The following RNFT2 variants were observed in gnomAD, a reference collection of about 807,000 sequenced individuals.
RNFT2 encodes E3 ubiquitin-protein ligase RNFT2.
A neutral mutation model predicts 53.0 loss-of-function variants in RNFT2; 36 were observed. The ratio of observed to expected loss-of-function variants is 0.68; its 90% CI spans 0.52 to 0.90. RNFT2 has a LOEUF of 0.90. Among genes scored for constraint, RNFT2 ranks in the 40% least tolerant of loss-of-function variants. The probability of loss-of-function intolerance (pLI) is 0.00; values close to 1 mark genes in which losing one functional copy is unlikely to be tolerated. For synonymous variants in RNFT2, 260 were observed against 253.2 expected, an observed-to-expected ratio of 1.03 and a Z score of -0.26; for missense variants, 514 against 585.6, an observed-to-expected ratio of 0.88 and a Z score of 1.26.
chr12:116,841,794 AAT>A (rs1359148327), intron 10 of RNFT2, among the ~76,000 whole-genome samples: 2 of 94,666 alleles, frequency 2.1e-5, no homozygotes, highest in African/African-American at 1.0e-4. Flanking sequence ...TATATATATA[AAT>A]ATATATATAA....
chr12:116,844,081 A>G (rs1047217352), intron 10 of RNFT2, among the ~76,000 whole-genome samples: 6 of 152,218 alleles, frequency 3.9e-5, no homozygotes, highest in East Asian at 1.9e-4. Context: ...AACCATTTAT[A>G]TAATAATACT....
At chr12:116,746,164 G>A (rs1449855645) in intron 3 of RNFT2, among the ~76,000 whole-genome samples, 1 of 152,188 alleles carries the variant, frequency 6.6e-6, no homozygotes, top group African/African-American at 2.4e-5. Flanking sequence ...TTGAGCCCGG[G>A]AGGCAGAGGT....
chr12:116,740,535 A>G lies in RNFT2; in HGVS notation c.24+14A>G. 1 of 1,565,010 alleles carries G rather than the reference A, an allele frequency of 6.4e-7. No homozygotes were observed. The highest frequency in any genetic ancestry group is 8.7e-7 in the Non-Finnish European group (1 of 1,153,468). On this transcript the variant is annotated intron_variant, in intron 2 of 10. Coordinates refer to ENST00000257575, the MANE Select transcript of RNFT2 (RefSeq NM_001382266.1). ...ACAGTGAATCAGGTGACACGTCTCC[A>G]AGAGAATTTGCATCTTTATTACTAC...
At chr12:116,793,408 G>A (rs1017475819) in intron 7 of RNFT2, among the ~76,000 whole-genome samples, 6 of 151,816 alleles carry the variant, frequency 4.0e-5, no homozygotes, top group Non-Finnish European at 5.9e-5. Context: ...GGCTGGTCTC[G>A]AACTCCTGGG....
chr12:116,754,675 C>T (rs1187508356), intron 5 of RNFT2, among the ~76,000 whole-genome samples: 1 of 152,148 alleles, frequency 6.6e-6, no homozygotes, highest in Non-Finnish European at 1.5e-5. Context: ...TTGATTATGG[C>T]CATTCTTGCA....
At chr12:116,755,963 T>C in intron 5 of RNFT2, 1 of 792,142 alleles carries the variant, frequency 1.3e-6, no homozygotes, top group African/African-American at 1.7e-5. Flanking sequence ...TTTTGGTGAC[T>C]ATGGCCTTAT....
intron 10 of RNFT2, among the ~76,000 whole-genome samples, chr12:116,847,187 T>C (rs1256080717): frequency 6.6e-6 from 1 of 151,980 alleles, no homozygotes; most frequent in African/African-American, 2.4e-5. Flanking sequence ...GCATTACAGG[T>C]GTAAGCCACT....
chr12:116,748,595 G>A (rs1211388505), intron 3 of RNFT2: 1 of 425,118 alleles, frequency 2.4e-6, no homozygotes, highest in African/African-American at 2.1e-5. Flanking sequence ...GGTGGAGCTG[G>A]AGTTTGAATG....
chr12:116,796,963 C>T (rs754800002), intron 7 of RNFT2, among the ~76,000 whole-genome samples: 5 of 152,178 alleles, frequency 3.3e-5, no homozygotes, highest in Admixed American at 2.6e-4. Flanking sequence ...TTTTAGTTGG[C>T]ACCATTGGAG....
At position 116,798,392 on chromosome 12, in the gene RNFT2, C is replaced by T. The variant is rs189633786; in HGVS notation, c.882+19044C>T. On this transcript the variant is annotated intron_variant, in intron 7 of 10. Transcript: ENST00000257575. ...GGATAAATACATAGAGAAAACACTG[C>T]ACAGTGGTTAAATGCATGGACCCTG... Among the ~76,000 whole-genome samples the T allele has an allele frequency of 7.4e-4, 113 of 152,266 alleles. 1 individual carries two copies. Among genetic ancestry groups the T allele is most frequent in the African/African-American group, 2.6e-3 (106 of 41,558 alleles).
chr12:116,750,179 G>C lies in RNFT2; in HGVS notation c.422G>C (p.Gly141Ala). ...GACCACCGGGGGCACTCGGAGGAGG[G>C]AGGCGACGAGCAGCCTGGGACGCCC... ...GGDHRGHSEE[G>A]GDEQPGTPAP... The change falls in exon 4 of 11, where the codon GGA becomes GCA. Residue 141 changes from glycine to alanine, a missense_variant. Physicochemically the swap from Gly to Ala is moderately conservative, Grantham distance 60. Coordinates refer to ENST00000257575, the MANE Select transcript of RNFT2 (RefSeq NM_001382266.1). 1.3e-6 allele frequency: 2 copies of C among 1,597,372 alleles called. No individual in the cohort carries two copies. Among genetic ancestry groups the C allele is most frequent in the South Asian group, 2.2e-5 (2 of 89,468 alleles).
chr12:116,783,825 C>T lies in RNFT2; in HGVS notation c.882+4477C>T, dbSNP rs140601788. On this transcript the variant is annotated intron_variant, in intron 7 of 10. Coordinates refer to ENST00000257575, the MANE Select transcript of RNFT2 (RefSeq NM_001382266.1). The stretch of plus-strand genomic sequence containing the variant: ...ACACTTGAGAACAGATTGTCAACAA[C>T]GGATCATTTTTCTGCCTGTTCTAGT... Among the ~76,000 whole-genome samples the T allele has an allele frequency of 4.6e-5, 7 of 152,346 alleles. No homozygotes were observed. The East Asian group carries it at 7.7e-4, about 17-fold the overall frequency.
Position 116,851,386 on chromosome 12 carries a change from C to T in RNFT2, c.*1938C>T, listed in dbSNP as rs908996762. Reference sequence around the variant, plus strand: ...CAGCAGAGCCCGCACTCTTAACCTCCGCACTGCTCTGCCCCTCAGACATTC... The same window carrying T: ...CAGCAGAGCCCGCACTCTTAACCTCTGCACTGCTCTGCCCCTCAGACATTC... On this transcript the variant is annotated 3_prime_UTR_variant, in exon 11 of 11. Coordinates refer to ENST00000257575, the MANE Select transcript of RNFT2 (RefSeq NM_001382266.1). 18 of 287,150 alleles carry T rather than the reference C, an allele frequency of 6.3e-5. No individual in the cohort carries two copies. Among genetic ancestry groups the T allele is most frequent in the African/African-American group, 2.4e-4 (11 of 46,242 alleles). 17.8% of individuals were successfully genotyped at this position (287,150 alleles called of 1,614,324 possible). A position where few individuals can be genotyped will look rare whatever the true frequency, so the allele number is the denominator to read the frequency against.
chr12:116,750,416 C>A, intron 4 of RNFT2, 109 bp downstream of exon 4: 2 of 1,010,016 alleles, frequency 2.0e-6, no homozygotes, highest in Non-Finnish European at 2.9e-6. Flanking sequence ...GCAGCAGAGA[C>A]CAACATGGGC....
chr12:116,767,004 A>T (rs1872945117), intron 6 of RNFT2, 90 bp downstream of exon 6: 1 of 831,142 alleles, frequency 1.2e-6, no homozygotes, highest in East Asian at 2.7e-5. Context: ...AATGAGGCAC[A>T]AGCTCTATGT....
At chr12:116,774,159 T>TA (rs1873319708) in intron 6 of RNFT2, among the ~76,000 whole-genome samples, 1 of 152,190 alleles carries the variant, frequency 6.6e-6, no homozygotes, top group Non-Finnish European at 1.5e-5. Flanking sequence ...AATGTGGAGT[T>TA]ACTGCTAATG....
At chr12:116,820,606 G>A (rs1875963403) in intron 7 of RNFT2, among the ~76,000 whole-genome samples, 1 of 152,050 alleles carries the variant, frequency 6.6e-6, no homozygotes, top group Non-Finnish European at 1.5e-5. Context: ...CCCATAGCTT[G>A]TATCTTTTCT....
chr12:116,770,262 A>G (rs1486112686), intron 6 of RNFT2, among the ~76,000 whole-genome samples: 1 of 152,170 alleles, frequency 6.6e-6, no homozygotes, highest in East Asian at 1.9e-4. Context: ...GTTTAGATAT[A>G]CAGATACCAT....
chr12:116,755,512 C>T, intron 5 of RNFT2: 2 of 878,686 alleles, frequency 2.3e-6, no homozygotes, highest in Non-Finnish European at 3.9e-6. Context: ...AGGTACCTTT[C>T]TCTTCCGCTT....
Sources: allele counts gnomAD v4.1 joint callset (sites outside exome capture counted in the v4.1 genomes callset), GRCh38; gene constraint gnomAD v4.1.1; transcripts MANE v1.5; gene names NCBI Gene and HGNC (gene_info 2026-07-23, HGNC 2026-07-21).